The following SNRNP200 variants were observed in gnomAD, a reference collection of about 807,000 sequenced individuals.
SNRNP200 encodes the protein U5 small nuclear ribonucleoprotein 200 kDa helicase.
In SNRNP200, 66 loss-of-function variants were observed where a neutral mutation model predicts 255.2. That is an observed-to-expected ratio of 0.26 (90% CI 0.21 to 0.32). The LOEUF is 0.32. SNRNP200 is among the 10% of genes least tolerant of loss of function. The pLI is 1.00. For missense variants in SNRNP200, 1,585 were observed against 2,749.8 expected (o/e 0.58, Z 9.47); for synonymous variants, 939 against 1,027.8 (o/e 0.91, Z 1.65).
At chr2:96,301,797 T>C in intron 3 of SNRNP200, 81 bp from the exon 4 acceptor site, 5 of 1,486,058 alleles carry the variant, frequency 3.4e-6, no homozygotes, top group Non-Finnish European at 4.7e-6. Context: ...GGCGGCAGGA[T>C]GTGAAGAGCC....
At chr2:96,302,114 G>C (rs958446758) in intron 3 of SNRNP200, among the ~76,000 whole-genome samples, 3 of 152,226 alleles carry the variant, frequency 2.0e-5, no homozygotes, top group Admixed American at 6.5e-5. Context: ...ATGGATTCTA[G>C]AGATAAACTA....
chr2:96,284,004 G>T lies in SNRNP200; in HGVS notation c.4393C>A (p.Pro1465Thr). Reference sequence around the variant, plus strand: ...CGGGAGCAGATCACTTCTAAGACAGGCTGGAAAGAGGGAGGGAGGGAGGGT... The same window carrying T: ...CGGGAGCAGATCACTTCTAAGACAGTCTGGAAAGAGGGAGGGAGGGAGGGT... ...EVHLIGGENG[P>T]VLEVICSRMR... Residue 1465 changes from proline (P) to threonine (T), a missense_variant and splice_region_variant, in exon 32 of 45, where the codon CCT (proline) becomes ACT (threonine). Transcript: ENST00000323853. The T allele has an allele frequency of 6.3e-7, 1 of 1,583,312 alleles. No homozygotes were observed. Among genetic ancestry groups the T allele is most frequent in the Non-Finnish European group, 8.6e-7 (1 of 1,164,638 alleles).
rs2063973999 is a variant in SNRNP200 at position 96,304,367 on chromosome 2, A to C, written c.209+338T>G. Among the ~76,000 whole-genome samples the C allele has an allele frequency of 5.9e-5, 9 of 152,316 alleles. No homozygotes were observed. The South Asian group carries it at 1.9e-3, about 32-fold the overall frequency. ...TAGAACGTGGACAAGAGTAAATGGA[A>C]AAAGTAGGGGTAGGAAGTTAGTAAT... On this transcript the variant is annotated intron_variant, in intron 2 of 44. Coordinates refer to ENST00000323853, the MANE Select transcript of SNRNP200 (RefSeq NM_014014.5).
Position 96,274,767 on chromosome 2 carries a change from CAAAAG to C in SNRNP200, c.*240_*244del, listed in dbSNP as rs1034416838. 15 of 555,400 alleles carry C rather than the reference CAAAAG, an allele frequency of 2.7e-5. No homozygotes were observed. Among genetic ancestry groups the C allele is most frequent in the Admixed American group, 2.5e-4 (8 of 32,102 alleles). The allele number at this position is 555,400 out of a possible 1,614,324, so 34.4% of individuals were successfully genotyped here. ...AATTATTTTATTAGAATGTCAGACT[CAAAAG>C]AACTACCAGGAACATGCCTGAAAAT... On this transcript the variant is annotated 3_prime_UTR_variant, in exon 45 of 45. Coordinates refer to ENST00000323853, the MANE Select transcript of SNRNP200 (RefSeq NM_014014.5).
chr2:96,283,571 A>G lies in SNRNP200; in HGVS notation c.4727T>C (p.Ile1576Thr). 14 of 1,614,128 alleles carry G rather than the reference A, an allele frequency of 8.7e-6. No homozygotes were observed. Among genetic ancestry groups the G allele is most frequent in the Non-Finnish European group, 1.1e-5 (13 of 1,180,024 alleles). Reference protein sequence around the residue: ...RKQTRLTAIDILTTCAADIQR... With the variant: ...RKQTRLTAIDTLTTCAADIQR... ...GATGTCTGCTGCACAGGTGGTGAGG[A>G]TGTCAATGGCAGTGAGGCGGGTCTG... The change falls in exon 33 of 45, where the codon ATC becomes ACC. Residue 1576 changes from isoleucine (I) to threonine (T), a missense_variant. Physicochemically the swap from Ile to Thr is moderately conservative, Grantham distance 89. Coordinates refer to ENST00000323853, the MANE Select transcript of SNRNP200 (RefSeq NM_014014.5). The surrounding 1 kb of genome is among the most constrained non-coding windows in gnomAD (Gnocchi z 4.7).
rs1486448634 is a variant in SNRNP200 at position 96,299,349 on chromosome 2, G to A, written c.709C>T (p.Arg237Cys). 23 of 1,613,930 alleles carry A rather than the reference G, an allele frequency of 1.4e-5. No homozygotes were observed. Among genetic ancestry groups the A allele is most frequent in the South Asian group, 3.3e-5 (3 of 91,086 alleles). ...CTTACATTAGCCGAGAGGGTGCAGC[G>A]CACGACAGCCTCGTCCCCTTCCATG... Reference protein sequence around the residue: ...DDMEGDEAVVRCTLSANLVAS... With the variant: ...DDMEGDEAVVCCTLSANLVAS... The change falls in exon 6 of 45, where the codon CGC becomes TGC. Residue 237 changes from arginine (R) to cysteine (C), a missense_variant. Transcript: ENST00000323853.
Position 96,290,250 on chromosome 2 carries a change from A to C in SNRNP200, c.2742+76T>G. 6.6e-7 allele frequency: 1 copy of C among 1,518,050 alleles called. No individual in the cohort carries two copies. The highest frequency in any genetic ancestry group is 1.1e-5 in the South Asian group (1 of 88,758). 94.0% of individuals were successfully genotyped at this position (1,518,050 alleles called of 1,614,324 possible). ...CTCGGACGCTGCTGGCCCGCAGCAC[A>C]ATAGGGACCGACCCACTCCTGGTGC... On this transcript the variant is annotated intron_variant, in intron 20 of 44. Coordinates refer to ENST00000323853, the MANE Select transcript of SNRNP200 (RefSeq NM_014014.5). The surrounding 1 kb of genome is among the most constrained non-coding windows in gnomAD (Gnocchi z 4.5).
At chr2:96,279,037 G>C (rs766381820) in intron 36 of SNRNP200, 39 bp from the exon 37 acceptor site, 2 of 1,546,502 alleles carry the variant, frequency 1.3e-6, no homozygotes, top group Admixed American at 3.3e-5. Context: ...TAAAGAATTA[G>C]TGACAACACG....
intron 2 of SNRNP200, 41 bp from the exon 3 acceptor site, chr2:96,303,371 C>T (rs1443320811): frequency 2.0e-5 from 33 of 1,612,350 alleles, no homozygotes; most frequent in Non-Finnish European, 2.7e-5. Context: ...CAGAACCTTT[C>T]GTCCCCAAGG....
rs1017385669 is a variant in SNRNP200, at chr2:96,295,745, T to C, written c.1672-87A>G. 1.3e-5 allele frequency: 18 copies of C among 1,411,310 alleles called. No homozygotes were observed. The Admixed American group carries it at 3.0e-4, about 23-fold the overall frequency. 87.4% of individuals were successfully genotyped at this position (1,411,310 alleles called of 1,614,324 possible). On this transcript the variant is annotated intron_variant, in intron 13 of 44. Coordinates refer to ENST00000323853, the MANE Select transcript of SNRNP200 (RefSeq NM_014014.5). Reference sequence around the variant, plus strand: ...GTTTGGGCAATTGGAGTGTAGGGCATTGGGAGCAGGTATCAACCCATCAGG... The same window carrying C: ...GTTTGGGCAATTGGAGTGTAGGGCACTGGGAGCAGGTATCAACCCATCAGG...
chr2:96,287,682 A>G lies in SNRNP200; in HGVS notation c.3366-125T>C. The stretch of plus-strand genomic sequence containing the variant: ...ACAGTCATTAAAGGCAGACACTGAC[A>G]CTGTGCCAGCCCTGGCCTCCACCAC... On this transcript the variant is annotated intron_variant, in intron 25 of 44. Transcript: ENST00000323853. The surrounding 1 kb of genome is among the most constrained non-coding windows in gnomAD (Gnocchi z 5.7). 2.2e-6 allele frequency: 2 copies of G among 929,642 alleles called. No homozygotes were observed. The highest frequency in any genetic ancestry group is 1.3e-5 in the South Asian group (1 of 76,688). The allele number at this position is 929,642 out of a possible 1,614,324, so 57.6% of individuals were successfully genotyped here.
Position 96,301,653 on chromosome 2 carries a change from G to C in SNRNP200, c.445C>G (p.Arg149Gly). Residue 149 changes from arginine to glycine, a missense_variant, in exon 4 of 45, where the codon CGG (arginine) becomes GGG (glycine). Transcript: ENST00000323853. The stretch of plus-strand genomic sequence containing the variant: ...ATCTCCTTTCGCCTTTCCTTGTCCC[G>C]CAGCTTTTCATTCTTTAGAACAGCT... ...VLAVLKNEKL[R>G]DKERRKEIDL... is the part of the protein sequence containing the mutation. 1.9e-6 allele frequency: 3 copies of C among 1,614,090 alleles called. No homozygotes were observed. The highest frequency in any genetic ancestry group is 2.5e-6 in the Non-Finnish European group (3 of 1,180,020).
chr2:96,279,020 G>A, intron 36 of SNRNP200, 22 bp from the exon 37 acceptor site: 2 of 1,598,172 alleles, frequency 1.3e-6, no homozygotes, highest in South Asian at 2.2e-5. Context: ...AGAGGGAGAA[G>A]GAGTAATAAA....
At chr2:96,279,622 C>T in intron 35 of SNRNP200, 63 bp from the exon 36 acceptor site, 1 of 1,045,426 alleles carries the variant, frequency 9.6e-7, no homozygotes, top group Non-Finnish European at 1.5e-6. Context: ...GCTCAGGAAG[C>T]CCAACTCCCT....
intron 30 of SNRNP200, 22 bp from the exon 31 acceptor site, chr2:96,284,607 C>G: frequency 6.6e-7 from 1 of 1,509,856 alleles, no homozygotes; most frequent in Non-Finnish European, 9.2e-7. Context: ...AGGAGGGAGG[C>G]AGAACAACAC....
In SNRNP200 at chr2:96,277,758, G is replaced by A. The variant is rs1255465413; in HGVS notation, c.5755-43C>T. The A allele has an allele frequency of 6.2e-7, 1 of 1,614,136 alleles. No homozygotes were observed. Among genetic ancestry groups the A allele is most frequent in the African/African-American group, 1.3e-5 (1 of 75,036 alleles). On this transcript the variant is annotated intron_variant, in intron 40 of 44. Transcript: ENST00000323853. The surrounding 1 kb of genome is among the most constrained non-coding windows in gnomAD (Gnocchi z 4.4). ...TATAAAAGTGGGCGGAGTTGGAGCT[G>A]AGATGTTTAGAGCACCACTGACCCC... is the stretch of plus-strand genomic sequence containing the variant.
At position 96,289,109 on chromosome 2, in the gene SNRNP200, C is replaced by A; in HGVS notation, c.3102G>T (p.Lys1034Asn). ...TCTCCAGCAACTTCTGCAGCTCCAG[C>A]TTCTCCTCCTGCCACAAGGAGGAAA... ...FKNITVREEE[K>N]LELQKLLERV... Residue 1034 changes from lysine (K) to asparagine (N), a missense_variant, in exon 23 of 45, where the codon AAG becomes AAT. Physicochemically the swap from Lys to Asn is moderately conservative, Grantham distance 94. Around this residue, in one of 9 missense-constraint regions of SNRNP200, gnomAD observed 719 missense variants for 1,091.1 expected, o/e 0.66. Transcript: ENST00000323853. 6.2e-7 allele frequency: 1 copy of A among 1,613,618 alleles called. No homozygotes were observed. Among genetic ancestry groups the A allele is most frequent in the Non-Finnish European group, 8.5e-7 (1 of 1,179,814 alleles).
chr2:96,286,439 G>A lies in SNRNP200; in HGVS notation c.3875C>T (p.Pro1292Leu), dbSNP rs1045080730. 5 of 1,614,036 alleles carry A rather than the reference G, an allele frequency of 3.1e-6. No individual in the cohort carries two copies. The highest frequency in any genetic ancestry group is 4.2e-6 in the Non-Finnish European group (5 of 1,180,038). ...LPVSFRHLIL[P>L]EKYPPPTELL... ...TTCGGTTGGAGGGGGGTACTTCTCC[G>A]GCAAGATCAGGTGCCGGAAGGAGAC... Residue 1292 changes from proline to leucine, a missense_variant, in exon 29 of 45, where the codon CCG (proline) becomes CTG (leucine). By Grantham distance (98) the Pro-to-Leu change is moderately conservative. Around this residue, in one of 9 missense-constraint regions of SNRNP200, gnomAD observed 719 missense variants for 1,091.1 expected, o/e 0.66. Transcript: ENST00000323853. The surrounding 1 kb of genome is among the most constrained non-coding windows in gnomAD (Gnocchi z 4.8).
Position 96,287,210 on chromosome 2 carries a change from C to A in SNRNP200, c.3485-50G>T. On this transcript the variant is annotated intron_variant, in intron 26 of 44. Transcript: ENST00000323853. This position sits in a 1 kb window ranked among gnomAD's most constrained non-coding sequence, Gnocchi z 5.7. ...GCTGCAGCCCAGCCTGCCTACTATA[C>A]TGCAAACTGGGCCTGAGGGCCACTG... is the stretch of plus-strand genomic sequence containing the variant. The A allele has an allele frequency of 6.2e-7, 1 of 1,610,370 alleles. No homozygotes were observed. The highest frequency in any genetic ancestry group is 8.5e-7 in the Non-Finnish European group (1 of 1,176,814).
Sources: allele counts gnomAD v4.1 joint callset (sites outside exome capture counted in the v4.1 genomes callset), GRCh38; gene constraint gnomAD v4.1.1; regional missense constraint gnomAD v4.1.1; non-coding constraint Gnocchi (gnomAD v3.1); transcripts MANE v1.5; gene names NCBI Gene and HGNC (gene_info 2026-07-23, HGNC 2026-07-21).